Variants in KMT5B observed in about 807,000 individuals in gnomAD.
KMT5B encodes histone-lysine N-methyltransferase KMT5B.
KMT5B carries 10 observed loss-of-function variants against 83.2 expected under a neutral mutation model. The ratio of observed to expected loss-of-function variants is 0.12; its 90% confidence interval spans 0.07 to 0.20. The LOEUF (loss-of-function observed/expected upper bound fraction) is 0.20, where lower values mean the gene tolerates loss of function less well. KMT5B is among the 10% of genes least tolerant of loss of function. KMT5B has a pLI of 1.00. For missense variants in KMT5B, 753 were observed against 1,067.2 expected (o/e 0.71, Z 4.10); for synonymous variants, 349 against 388.8 (o/e 0.90, Z 1.20).
intron 1 of KMT5B, among the ~76,000 whole-genome samples, chr11:68,197,310 G>C (rs1858843628): frequency 6.6e-6 from 1 of 152,166 alleles, no homozygotes; most frequent in African/African-American, 2.4e-5. Context: ...ATGTCTACTT[G>C]AGAGAAAGCA....
At position 68,178,777 on chromosome 11, in the gene KMT5B, G is replaced by C. The variant is rs561011346; in HGVS notation, c.377+1355C>G. Among the ~76,000 whole-genome samples, 36 of 151,978 alleles carry C rather than the reference G, an allele frequency of 2.4e-4. 1 individual carries two copies. The highest frequency in any genetic ancestry group is 4.4e-4 in the Non-Finnish European group (30 of 67,996). ...TAAGACTGTTATACCTATTAGGGCT[G>C]GTGCAAATGCACTGAAAACCTTAGG... On this transcript the variant is annotated intron_variant, in intron 4 of 10. Coordinates refer to ENST00000304363, the MANE Select transcript of KMT5B (RefSeq NM_017635.5).
intron 1 of KMT5B, among the ~76,000 whole-genome samples, chr11:68,210,474 TCA>T (rs1027092953): frequency 2.0e-5 from 3 of 152,198 alleles, no homozygotes; most frequent in African/African-American, 7.2e-5. Flanking sequence ...GGAAGTGACC[TCA>T]GAGTCGTTTT....
intron 10 of KMT5B, among the ~76,000 whole-genome samples, chr11:68,162,410 C>T (rs1277798226): frequency 6.6e-6 from 1 of 152,168 alleles, no homozygotes; most frequent in Non-Finnish European, 1.5e-5. Flanking sequence ...CTGAAAGGCC[C>T]TCTGCTTTGA....
chr11:68,160,307 T>C (rs1473232044), intron 10 of KMT5B, among the ~76,000 whole-genome samples: 1 of 152,226 alleles, frequency 6.6e-6, no homozygotes, highest in Non-Finnish European at 1.5e-5. Flanking sequence ...TATGTTAATT[T>C]TTCCTCTGTA....
intron 1 of KMT5B, among the ~76,000 whole-genome samples, chr11:68,190,691 A>T (rs1308093239): frequency 6.6e-6 from 1 of 152,260 alleles, no homozygotes; most frequent in Non-Finnish European, 1.5e-5. Context: ...AAGATATTTT[A>T]AAAAGAATAT....
intron 10 of KMT5B, chr11:68,164,736 T>C (rs1855162983): frequency 2.0e-6 from 1 of 493,718 alleles, no homozygotes; most frequent in South Asian, 1.5e-5. Context: ...CCCTGCAAAA[T>C]GTACACCTTT....
At chr11:68,165,743 G>A in intron 10 of KMT5B, 1 of 1,442,954 alleles carries the variant, frequency 6.9e-7, no homozygotes. Flanking sequence ...TTTATTATGA[G>A]AATCAACAGT....
chr11:68,172,835 C>T (rs77127246), intron 6 of KMT5B, among the ~76,000 whole-genome samples: 2,813 of 152,154 alleles, frequency 0.018, 94 homozygotes, highest in African/African-American at 0.064. Context: ...CACACTCACC[C>T]CAGAGGCCTG....
intron 1 of KMT5B, among the ~76,000 whole-genome samples, chr11:68,194,809 T>C (rs1858512644): frequency 6.6e-6 from 1 of 152,208 alleles, no homozygotes; most frequent in African/African-American, 2.4e-5. Context: ...CTTTCATTGG[T>C]ACAGATGCAT....
chr11:68,213,399 T>TCGCGCCCCC (rs1238731315), upstream of KMT5B: 38 of 126,758 alleles, frequency 3.0e-4, no homozygotes, highest in Admixed American at 6.0e-4. Flanking sequence ...GCCGCCGCCG[T>TCGCGCCCCC]CGCGCCCCCC....
intron 9 of KMT5B, among the ~76,000 whole-genome samples, chr11:68,168,947 T>C (rs143188778): frequency 1.3e-5 from 2 of 152,302 alleles, no homozygotes; most frequent in East Asian, 1.9e-4. Flanking sequence ...TAATATGTAA[T>C]GAATAATGGA....
intron 10 of KMT5B, among the ~76,000 whole-genome samples, chr11:68,160,472 C>A (rs1350119886): frequency 6.6e-6 from 1 of 152,182 alleles, no homozygotes; most frequent in Non-Finnish European, 1.5e-5. Flanking sequence ...GAATCATCAC[C>A]ACCTCTCATC....
At chr11:68,202,350 A>C (rs954390885) in intron 1 of KMT5B, among the ~76,000 whole-genome samples, 1 of 152,172 alleles carries the variant, frequency 6.6e-6, no homozygotes, top group Admixed American at 6.5e-5. Context: ...GCAGCTTCCC[A>C]CCACAGGGCC....
chr11:68,165,587 T>C, intron 10 of KMT5B: 1 of 384,950 alleles, frequency 2.6e-6, no homozygotes, highest in Admixed American at 5.0e-5. Flanking sequence ...CCCTCCCACC[T>C]CAGCCTCCCA....
chr11:68,185,078 TAAGAG>T (rs1857305604), intron 3 of KMT5B, among the ~76,000 whole-genome samples: 2 of 152,178 alleles, frequency 1.3e-5, no homozygotes. Flanking sequence ...AGACAACGTG[TAAGAG>T]AAAAGTCTAT....
chr11:68,206,017 A>G (rs1860063619), intron 1 of KMT5B, among the ~76,000 whole-genome samples: 1 of 152,264 alleles, frequency 6.6e-6, no homozygotes, highest in African/African-American at 2.4e-5. Flanking sequence ...ATACTGCTTC[A>G]TTCTTAAATA....
intron 1 of KMT5B, among the ~76,000 whole-genome samples, chr11:68,196,477 C>CAGT (rs1362352978): frequency 6.8e-6 from 1 of 147,742 alleles, no homozygotes; most frequent in African/African-American, 2.5e-5. Context: ...GTATAGCACA[C>CAGT]AGTACATCCT....
chr11:68,197,287 A>G (rs1442470656), intron 1 of KMT5B, among the ~76,000 whole-genome samples: 2 of 152,176 alleles, frequency 1.3e-5, no homozygotes, highest in Non-Finnish European at 2.9e-5. Context: ...AAAGTCTTTA[A>G]GTCCCAACCA....
chr11:68,204,827 G>A (rs1859884613), intron 1 of KMT5B, among the ~76,000 whole-genome samples: 1 of 151,984 alleles, frequency 6.6e-6, no homozygotes, highest in African/African-American at 2.4e-5. Context: ...ATGTTGGCCA[G>A]GATGGTCTCG....
Sources: allele counts gnomAD v4.1 joint callset (sites outside exome capture counted in the v4.1 genomes callset), GRCh38; gene constraint gnomAD v4.1.1; transcripts MANE v1.5; gene names NCBI Gene and HGNC (gene_info 2026-07-23, HGNC 2026-07-21).